PIEZO1: variants seen among roughly 807,000 people sequenced by gnomAD.
PIEZO1 encodes piezo-type mechanosensitive ion channel component 1.
In PIEZO1, 296 loss-of-function variants were observed where a neutral mutation model predicts 297.2. That is an observed-to-expected ratio of 1.00 (90% CI 0.91 to 1.10). The LOEUF is 1.10. Among genes scored for constraint, PIEZO1 ranks in the 50% least tolerant of loss-of-function variants. The probability of loss-of-function intolerance (pLI) is 0.00; values close to 1 mark genes in which losing one functional copy is unlikely to be tolerated. For synonymous variants in PIEZO1, 2,427 were observed against 1,507.5 expected, an observed-to-expected ratio of 1.61 and a Z score of -14.13; for missense variants, 5,018 against 3,455.5, an observed-to-expected ratio of 1.45 and a Z score of -11.34.
At chr16:88,756,283 G>T (rs1017256134) in intron 1 of PIEZO1, among the ~76,000 whole-genome samples, 1 of 152,182 alleles carries the variant, frequency 6.6e-6, no homozygotes, top group South Asian at 2.1e-4. Flanking sequence ...GCCCAACCTG[G>T]GTGCCTAGAA....
chr16:88,748,641 G>A (rs1419596732), intron 2 of PIEZO1, among the ~76,000 whole-genome samples: 1 of 152,132 alleles, frequency 6.6e-6, no homozygotes, highest in Non-Finnish European at 1.5e-5. Context: ...TGGGCAGTTG[G>A]GGCCCATCCA....
At chr16:88,766,309 G>A (rs566716040) in intron 1 of PIEZO1, among the ~76,000 whole-genome samples, 68 of 152,336 alleles carry the variant, frequency 4.5e-4, no homozygotes, top group Admixed American at 7.8e-4. Flanking sequence ...GAGAAGCCCG[G>A]CCTGAGCGCA....
In PIEZO1 at chr16:88,723,090, C is replaced by CGTACCT. The variant is rs1555553258; in HGVS notation, c.4494_4495+4dup. ...CTCCCACTCCCCAGCCCCGGGCCCA[C>CGTACCT]GTACCTGCCGCTGCCTCCTCGGGGC... On this transcript the variant is annotated splice_donor_region_variant and intron_variant, in intron 33 of 50. Coordinates refer to ENST00000301015, the MANE Select transcript of PIEZO1 (RefSeq NM_001142864.4). The CGTACCT allele has an allele frequency of 3.9e-6, 6 of 1,547,348 alleles. No individual in the cohort carries two copies. The highest frequency in any genetic ancestry group is 2.7e-5 in the African/African-American group (2 of 73,000).
intron 27 of PIEZO1, 38 bp from the exon 28 acceptor site, chr16:88,725,722 C>G: frequency 9.0e-7 from 1 of 1,108,270 alleles, no homozygotes; most frequent in Non-Finnish European, 1.3e-6. Context: ...GCACCAGGCA[C>G]TCGACCCCAG....
chr16:88,726,682 AGGGCGGTGGGT>A (rs759752063), intron 25 of PIEZO1, 22 bp downstream of exon 25: 4 of 1,544,784 alleles, frequency 2.6e-6, no homozygotes, highest in Middle Eastern at 1.7e-4. Context: ...GCGGGGCCCC[AGGGCGGTGGGT>A]GCGGGGGGGC....
rs1041995529 is a variant in PIEZO1 at position 88,736,079 on chromosome 16, T to C, written c.1557+69A>G. Reference sequence around the variant, plus strand: ...TGCCACTCCCCCGGGCAAGTGGACATTGAACAGGACGACAACCCTGATGGG... The same window carrying C: ...TGCCACTCCCCCGGGCAAGTGGACACTGAACAGGACGACAACCCTGATGGG... On this transcript the variant is annotated intron_variant, in intron 12 of 50. Transcript: ENST00000301015. 6.3e-6 allele frequency: 9 copies of C among 1,435,436 alleles called. No homozygotes were observed. The African/African-American group carries it at 7.0e-5, about 11-fold the overall frequency. The allele number at this position is 1,435,436 out of a possible 1,614,324, so 88.9% of individuals were successfully genotyped here.
At position 88,716,745 on chromosome 16, in the gene PIEZO1, A is replaced by C; in HGVS notation, c.6754-14T>G. 6.5e-7 allele frequency: 1 copy of C among 1,548,328 alleles called. No homozygotes were observed. Among genetic ancestry groups the C allele is most frequent in the African/African-American group, 1.4e-5 (1 of 73,176 alleles). On this transcript the variant is annotated splice_polypyrimidine_tract_variant and intron_variant, in intron 46 of 50. Coordinates refer to ENST00000301015, the MANE Select transcript of PIEZO1 (RefSeq NM_001142864.4). ...CTGCATGGCCAGCTGGGTACAAGTG[A>C]CACCCTCAGTGACTGCAGCCGCCTC...
At chr16:88,719,011 A>G (rs1470806800) in intron 44 of PIEZO1, 1 of 155,458 alleles carries the variant, frequency 6.4e-6, no homozygotes, top group African/African-American at 2.4e-5. Context: ...TTGCCAGCTA[A>G]TTGTTTTATT....
At chr16:88,719,539 G>A in intron 44 of PIEZO1, 35 bp downstream of exon 44, 3 of 1,535,958 alleles carry the variant, frequency 2.0e-6, no homozygotes, top group East Asian at 2.4e-5. Flanking sequence ...CATATCCCTG[G>A]CCCTTGTCCC....
intron 1 of PIEZO1, among the ~76,000 whole-genome samples, chr16:88,765,927 G>A (rs1192440306): frequency 6.6e-6 from 1 of 152,112 alleles, no homozygotes; most frequent in Non-Finnish European, 1.5e-5. Context: ...GCCCACCCAG[G>A]CCTCCCAAGG....
intron 34 of PIEZO1, 55 bp from the exon 35 acceptor site, chr16:88,722,744 G>A (rs1012359499): frequency 1.0e-5 from 16 of 1,529,100 alleles, no homozygotes; most frequent in Middle Eastern, 1.7e-4. Context: ...CCCCACACGG[G>A]GTTTCGTGCA....
Position 88,716,384 on chromosome 16 carries a change from G to T in PIEZO1, c.7026C>A (p.Leu2342=), listed in dbSNP as rs573391046. ...STARRQLASL[L]EGTSDQSVVI... ...ACACAGACTGGTCCGAGGTGCCCTC[G>T]AGCAGGCTGGCCAGCTGCCGCCGTG... Residue 2342 remains leucine, a synonymous_variant, in exon 48 of 51, where the codon CTC becomes CTA. Coordinates refer to ENST00000301015, the MANE Select transcript of PIEZO1 (RefSeq NM_001142864.4). 8.4e-6 allele frequency: 13 copies of T among 1,546,146 alleles called. No homozygotes were observed. The South Asian group carries it at 1.3e-4, about 16-fold the overall frequency.
At position 88,716,439 on chromosome 16, in the gene PIEZO1, T is replaced by G; in HGVS notation, c.6971A>C (p.His2324Pro). The G allele has an allele frequency of 6.5e-7, 1 of 1,549,788 alleles. No homozygotes were observed. Among genetic ancestry groups the G allele is most frequent in the Non-Finnish European group, 8.7e-7 (1 of 1,146,688 alleles). Residue 2324 changes from histidine to proline, a missense_variant, in exon 48 of 51, where the codon CAC becomes CCC. Coordinates refer to ENST00000301015, the MANE Select transcript of PIEZO1 (RefSeq NM_001142864.4). ...GCTGTTGGGGGCCAGGGCCAGCATG[T>G]GCTTCTCGTTGGCATACTCCACAGT... Reference protein sequence around the residue: ...GGTVEYANEKHMLALAPNSTA... With the variant: ...GGTVEYANEKPMLALAPNSTA...
rs1010667257 is a variant in PIEZO1, at chr16:88,715,699, C to T, written c.7472G>A (p.Arg2491Gln). 2.2e-5 allele frequency: 34 copies of T among 1,550,298 alleles called. No individual in the cohort carries two copies. The highest frequency in any genetic ancestry group is 7.1e-5 in the South Asian group (6 of 84,070). The change falls in exon 51 of 51, where the codon CGG becomes CAG. Residue 2491 changes from arginine (R) to glutamine (Q), a missense_variant. Coordinates refer to ENST00000301015, the MANE Select transcript of PIEZO1 (RefSeq NM_001142864.4). ...CQDIFLVRET[R>Q]ELELEEELYA... ...CAACTCCTCCTCCAGCTCCAGCTCC[C>T]GAGTCTCCCGCACCAGGAAGATGTC...
intron 1 of PIEZO1, among the ~76,000 whole-genome samples, chr16:88,776,518 C>T (rs564765866): frequency 3.3e-5 from 5 of 151,830 alleles, no homozygotes; most frequent in Admixed American, 3.3e-4. Context: ...CTTGGAGGGG[C>T]CCCACTAGCT....
At chr16:88,770,921 C>T (rs943957767) in intron 1 of PIEZO1, among the ~76,000 whole-genome samples, 1 of 152,220 alleles carries the variant, frequency 6.6e-6, no homozygotes, top group Non-Finnish European at 1.5e-5. Flanking sequence ...ATCCGGTGGG[C>T]GGCACTGGAG....
intron 49 of PIEZO1, 35 bp downstream of exon 49, chr16:88,716,163 C>G (rs1912010874): frequency 1.3e-6 from 2 of 1,520,018 alleles, no homozygotes; most frequent in Non-Finnish European, 1.8e-6. Flanking sequence ...GGTCACCCCT[C>G]TCTAGCCTCC....
chr16:88,762,428 G>C (rs890936176), intron 1 of PIEZO1, among the ~76,000 whole-genome samples: 1 of 152,192 alleles, frequency 6.6e-6, no homozygotes, highest in African/African-American at 2.4e-5. Context: ...CTGAGCTGCA[G>C]GCACTGCCCT....
chr16:88,739,016 G>C (rs564722552), intron 5 of PIEZO1: 28 of 527,990 alleles, frequency 5.3e-5, no homozygotes, highest in Non-Finnish European at 9.2e-5. Flanking sequence ...GCCCAGGCAC[G>C]TGATGACCTT....
Sources: allele counts gnomAD v4.1 joint callset (sites outside exome capture counted in the v4.1 genomes callset), GRCh38; gene constraint gnomAD v4.1.1; transcripts MANE v1.5; gene names NCBI Gene and HGNC (gene_info 2026-07-23, HGNC 2026-07-21).